ABR: variants seen among roughly 807,000 people sequenced by gnomAD.
The protein encoded by ABR is active breakpoint cluster region-related protein.
A neutral mutation model predicts 107.2 loss-of-function variants in ABR; 35 were observed. That is an observed-to-expected ratio of 0.33 (90% confidence interval 0.25 to 0.43). The LOEUF (loss-of-function observed/expected upper bound fraction) is 0.43. Among genes scored for constraint, ABR ranks in the 20% least tolerant of loss-of-function variants. The pLI is 1.00. For synonymous variants in ABR, 498 were observed against 462.0 expected, an observed-to-expected ratio of 1.08 and a Z score of -1.00; for missense variants, 815 against 1,115.2, an observed-to-expected ratio of 0.73 and a Z score of 3.83.
rs2069816998 is a variant in ABR at position 1,003,634 on chromosome 17, A to G, written c.*2446T>C. On this transcript the variant is annotated 3_prime_UTR_variant, in exon 23 of 23. Coordinates refer to ENST00000302538, the MANE Select transcript of ABR (RefSeq NM_021962.5). ...TGAAACAGAACATAGACAAAAAAAT[A>G]TATCCTTACCAACTTATTAAAGTCA... 1 of 152,546 alleles carries G rather than the reference A, an allele frequency of 6.6e-6. No individual in the cohort carries two copies. The highest frequency in any genetic ancestry group is 1.5e-5 in the Non-Finnish European group (1 of 68,048). 9.4% of individuals were successfully genotyped at this position (152,546 alleles called of 1,614,324 possible).
intron 1 of ABR, among the ~76,000 whole-genome samples, chr17:1,130,081 G>C (rs1188887076): frequency 6.6e-6 from 1 of 152,170 alleles, no homozygotes; most frequent in African/African-American, 2.4e-5. Context: ...CAGGTGAATG[G>C]GTGTTCACTG....
intron 3 of ABR, among the ~76,000 whole-genome samples, chr17:1,093,341 C>T (rs1188741141): frequency 6.6e-6 from 1 of 152,026 alleles, no homozygotes; most frequent in Non-Finnish European, 1.5e-5. Context: ...TGGTGGTGCA[C>T]ACCTGTAATC....
chr17:1,204,757 A>T (rs904662080), intron 1 of ABR, among the ~76,000 whole-genome samples: 3 of 152,198 alleles, frequency 2.0e-5, no homozygotes, highest in Admixed American at 2.0e-4. Context: ...CCTGGGCTGT[A>T]TGTTAGTATT....
chr17:1,073,940 G>T lies in ABR; in HGVS notation c.701-263C>A, dbSNP rs28609191. The stretch of plus-strand genomic sequence containing the variant: ...CTCCCATCAGACATGGCTTCATCGA[G>T]AGCCGCCCCGCCCCCCTCCCCAGGC... On this transcript the variant is annotated intron_variant, in intron 6 of 22. Coordinates refer to ENST00000302538, the MANE Select transcript of ABR (RefSeq NM_021962.5). Among the ~76,000 whole-genome samples the T allele has an allele frequency of 5.0e-3, 761 of 151,064 alleles. 10 individuals carry two copies. Among genetic ancestry groups the T allele is most frequent in the African/African-American group, 0.018 (719 of 40,696 alleles).
In ABR at chr17:1,032,454, C is replaced by T. The variant is rs138188331; in HGVS notation, c.1791+17596G>A. Among the ~76,000 whole-genome samples the T allele has an allele frequency of 7.9e-3, 1,207 of 151,984 alleles. 21 individuals are homozygous for T. Among genetic ancestry groups the T allele is most frequent in the African/African-American group, 0.027 (1,131 of 41,258 alleles). The stretch of plus-strand genomic sequence containing the variant: ...AAAGCCCGAAACGACGCGGGTCACA[C>T]GTCCAGCCAGAGATGCCTCTTGAGG... On this transcript the variant is annotated intron_variant, in intron 16 of 22. Transcript: ENST00000302538.
At chr17:1,156,386 G>A (rs1019788316) in intron 1 of ABR, among the ~76,000 whole-genome samples, 11 of 152,146 alleles carry the variant, frequency 7.2e-5, no homozygotes, top group Admixed American at 1.3e-4. Context: ...CTGGGTAGCC[G>A]GGTAGACGGC....
At chr17:1,113,373 G>A (rs34185510) in intron 2 of ABR, among the ~76,000 whole-genome samples, 23,021 of 134,254 alleles carry the variant, frequency 0.17, 1,823 homozygotes, top group East Asian at 0.29. Flanking sequence ...TGCAACCTCC[G>A]CCTCCTCGGT....
At chr17:1,112,615 G>A (rs929047764) in intron 2 of ABR, among the ~76,000 whole-genome samples, 2 of 151,550 alleles carry the variant, frequency 1.3e-5, no homozygotes, top group African/African-American at 2.4e-5. Context: ...GAGGGAGGGA[G>A]GAAGGAAGGA....
rs183289928 is a variant in ABR at position 1,012,162 on chromosome 17, C to T, written c.1962-177G>A. Reference sequence around the variant, plus strand: ...CCGCACCCCACCCCAGCCAGCCCACCCGAGGCCTGCCGAAGGGGCATCGAC... The same window carrying T: ...CCGCACCCCACCCCAGCCAGCCCACTCGAGGCCTGCCGAAGGGGCATCGAC... On this transcript the variant is annotated intron_variant, in intron 18 of 22. Transcript: ENST00000302538. The T allele has an allele frequency of 2.4e-3, 2,446 of 1,000,388 alleles. 3 individuals carry two copies. The highest frequency in any genetic ancestry group is 9.5e-3 in the Middle Eastern group (47 of 4,936). The allele number at this position is 1,000,388 out of a possible 1,614,324, so 62.0% of individuals were successfully genotyped here.
At chr17:1,196,652 G>A (rs2042572811) in intron 1 of ABR, among the ~76,000 whole-genome samples, 1 of 150,462 alleles carries the variant, frequency 6.6e-6, no homozygotes, top group African/African-American at 2.4e-5. Context: ...TCGAGTCCCT[G>A]GGAGAAGACG....
At position 1,121,167 on chromosome 17, in the gene ABR, G is replaced by A. The variant is rs555260617; in HGVS notation, c.246+4016C>T. ...AGGTTTCACCCTAATACCTCTGTGGGATCCATGTCTTGGGGACACAAAAGA... is the reference window on the plus strand; with the variant it reads ...AGGTTTCACCCTAATACCTCTGTGGAATCCATGTCTTGGGGACACAAAAGA... On this transcript the variant is annotated intron_variant, in intron 2 of 22. Coordinates refer to ENST00000302538, the MANE Select transcript of ABR (RefSeq NM_021962.5). Among the ~76,000 whole-genome samples, 9 of 152,340 alleles carry A rather than the reference G, an allele frequency of 5.9e-5. No individual in the cohort carries two copies. In the South Asian group the frequency reaches 6.2e-4, roughly 11 times the overall value.
chr17:1,034,538 C>T (rs1456806852), intron 16 of ABR, among the ~76,000 whole-genome samples: 1 of 152,176 alleles, frequency 6.6e-6, no homozygotes, highest in Non-Finnish European at 1.5e-5. Context: ...TCGAGAGATA[C>T]AATTTCCAGC....
chr17:1,060,446 C>G (rs1428213241), intron 10 of ABR, among the ~76,000 whole-genome samples: 2 of 152,078 alleles, frequency 1.3e-5, no homozygotes, highest in Non-Finnish European at 2.9e-5. Flanking sequence ...ATCCAAAGGG[C>G]TCAAAGACCC....
At chr17:1,149,949 T>C (rs2040724787) in intron 1 of ABR, among the ~76,000 whole-genome samples, 1 of 152,120 alleles carries the variant, frequency 6.6e-6, no homozygotes, top group Non-Finnish European at 1.5e-5. Flanking sequence ...CCATGCAGCT[T>C]TTGTGACAGT....
intron 16 of ABR, among the ~76,000 whole-genome samples, chr17:1,017,892 C>T (rs987682260): frequency 2.0e-5 from 3 of 151,884 alleles, no homozygotes; most frequent in Non-Finnish European, 4.4e-5. Context: ...CGTGAGCCAC[C>T]GCACTCGGCC....
At chr17:1,151,315 C>G (rs1187684610) in intron 1 of ABR, among the ~76,000 whole-genome samples, 1 of 152,184 alleles carries the variant, frequency 6.6e-6, no homozygotes, top group Non-Finnish European at 1.5e-5. Flanking sequence ...TTTCCCTGGA[C>G]CAGTTCCCTA....
At chr17:1,100,905 C>G in intron 2 of ABR, 170 bp from the exon 3 acceptor site, 1 of 629,566 alleles carries the variant, frequency 1.6e-6, no homozygotes, top group East Asian at 2.8e-5. Flanking sequence ...CTCACTGCAA[C>G]CTCCGCCTCC....
intron 17 of ABR, 150 bp from the exon 18 acceptor site, chr17:1,012,947 G>T: frequency 2.8e-6 from 3 of 1,060,150 alleles, no homozygotes; most frequent in Non-Finnish European, 4.3e-6. Context: ...GGACAGCAGC[G>T]GGCAGGGTGT....
At chr17:1,176,757 G>A (rs1598058094) in intron 1 of ABR, among the ~76,000 whole-genome samples, 1 of 151,954 alleles carries the variant, frequency 6.6e-6, no homozygotes, top group Non-Finnish European at 1.5e-5. Flanking sequence ...TGAGGCAGGG[G>A]AACTGCTTGA....
Sources: allele counts gnomAD v4.1 joint callset (sites outside exome capture counted in the v4.1 genomes callset), GRCh38; gene constraint gnomAD v4.1.1; transcripts MANE v1.5; gene names NCBI Gene and HGNC (gene_info 2026-07-23, HGNC 2026-07-21).